The following GRIA1 variants were observed in gnomAD, a reference collection of about 807,000 sequenced individuals.
GRIA1 encodes the protein glutamate ionotropic receptor AMPA type subunit 1, also known as glutamate receptor 1.
GRIA1 carries 31 observed loss-of-function variants against 99.2 expected under a neutral mutation model. The observed-to-expected ratio is 0.31, with a 90% CI of 0.23 to 0.42. The LOEUF (loss-of-function observed/expected upper bound fraction) is 0.42. Among genes scored for constraint, GRIA1 ranks in the 10% least tolerant of loss-of-function variants. The pLI, the probability that GRIA1 is intolerant of heterozygous loss-of-function variation, is 1.00. For missense variants in GRIA1, 782 were observed against 1,157.5 expected, an observed-to-expected ratio of 0.68 and a Z score of 4.71; for synonymous variants, 438 against 432.4, an observed-to-expected ratio of 1.01 and a Z score of -0.16.
intron 2 of GRIA1, among the ~76,000 whole-genome samples, chr5:153,597,282 T>A (rs1401829609): frequency 6.6e-6 from 1 of 152,196 alleles, no homozygotes; most frequent in South Asian, 2.1e-4. Flanking sequence ...ATGAATTGGT[T>A]ATTGAGACTT....
At chr5:153,531,444 T>A in intron 2 of GRIA1, among the ~76,000 whole-genome samples, 1 of 152,234 alleles carries the variant, frequency 6.6e-6, no homozygotes, top group South Asian at 2.1e-4. Flanking sequence ...CAAGTCTGTG[T>A]CTTTTTCTTT....
chr5:153,495,855 G>T (rs1186630136), intron 2 of GRIA1, among the ~76,000 whole-genome samples: 2 of 152,168 alleles, frequency 1.3e-5, no homozygotes, highest in East Asian at 1.9e-4. Context: ...AGGGGCATTT[G>T]GTTGGGGGCA....
intron 2 of GRIA1, among the ~76,000 whole-genome samples, chr5:153,639,164 T>C (rs992834954): frequency 2.6e-5 from 4 of 152,194 alleles, no homozygotes; most frequent in Non-Finnish European, 5.9e-5. Context: ...TTGTCTCTCA[T>C]CCATGGACTG....
intron 2 of GRIA1, among the ~76,000 whole-genome samples, chr5:153,569,262 G>A (rs76089678): frequency 0.01 from 1,598 of 152,302 alleles, 26 homozygotes; most frequent in African/African-American, 0.037. Context: ...AGATTTACAA[G>A]CACTTCGTTT....
intron 5 of GRIA1, among the ~76,000 whole-genome samples, chr5:153,656,572 A>G (rs961034483): frequency 3.3e-5 from 5 of 151,448 alleles, no homozygotes; most frequent in Non-Finnish European, 7.4e-5. Context: ...TGTCAAGTCT[A>G]TTTTTTCTGG....
At chr5:153,526,110 C>T (rs1200443053) in intron 2 of GRIA1, among the ~76,000 whole-genome samples, 1 of 152,144 alleles carries the variant, frequency 6.6e-6, no homozygotes, top group South Asian at 2.1e-4. Flanking sequence ...TCATGGGCCT[C>T]TGTTTCTTTA....
At chr5:153,520,369 G>A (rs1757026269) in intron 2 of GRIA1, among the ~76,000 whole-genome samples, 1 of 152,204 alleles carries the variant, frequency 6.6e-6, no homozygotes, top group African/African-American at 2.4e-5. Flanking sequence ...GTGGAGCCTT[G>A]AAGGACAAAG....
At chr5:153,535,160 G>C (rs950780823) in intron 2 of GRIA1, among the ~76,000 whole-genome samples, 1 of 152,080 alleles carries the variant, frequency 6.6e-6, no homozygotes, top group Admixed American at 6.6e-5. Flanking sequence ...GACCTCAAGC[G>C]ATCTGCCCGT....
At chr5:153,545,909 A>C (rs965246648) in intron 2 of GRIA1, among the ~76,000 whole-genome samples, 9 of 152,212 alleles carry the variant, frequency 5.9e-5, no homozygotes, top group Admixed American at 2.0e-4. Flanking sequence ...TTAAGGCATG[A>C]TGGCCCTGCC....
chr5:153,812,359 A>G lies in GRIA1; in HGVS notation c.*1134A>G, dbSNP rs1055016875. 1 of 152,192 alleles carries G rather than the reference A, an allele frequency of 6.6e-6. No homozygotes were observed. Among genetic ancestry groups the G allele is most frequent in the African/African-American group, 2.4e-5 (1 of 41,442 alleles). The allele number at this position is 152,192 out of a possible 1,614,324, so 9.4% of individuals were successfully genotyped here. On this transcript the variant is annotated 3_prime_UTR_variant, in exon 16 of 16. Transcript: ENST00000285900. ...CTCATCAAAAGCTCACACAAAATAG[A>G]GCTTCCCATGGTGTGCCCTATCCTA... is the stretch of plus-strand genomic sequence containing the variant.
chr5:153,806,468 T>C (rs1474429877), intron 15 of GRIA1, among the ~76,000 whole-genome samples: 1 of 152,166 alleles, frequency 6.6e-6, no homozygotes, highest in African/African-American at 2.4e-5. Context: ...GGTTTCACCA[T>C]GTTAGCCAGG....
chr5:153,784,648 C>T (rs1041233185), intron 13 of GRIA1, among the ~76,000 whole-genome samples: 5 of 151,732 alleles, frequency 3.3e-5, no homozygotes, highest in African/African-American at 1.2e-4. Context: ...CTGATATAAC[C>T]CCACTAACTA....
At chr5:153,597,034 T>G (rs1487432392) in intron 2 of GRIA1, among the ~76,000 whole-genome samples, 2 of 152,126 alleles carry the variant, frequency 1.3e-5, no homozygotes, top group Non-Finnish European at 2.9e-5. Flanking sequence ...GTCTGCAGCC[T>G]CCTCTGCTAG....
chr5:153,529,939 A>T (rs1179657907), intron 2 of GRIA1, among the ~76,000 whole-genome samples: 1 of 152,082 alleles, frequency 6.6e-6, no homozygotes, highest in East Asian at 1.9e-4. Context: ...CTGTTCCCTC[A>T]TTTTCGAAGC....
rs540692192 is a variant in GRIA1 at position 153,712,503 on chromosome 5, T to TCCTCTTTCC, written c.1823+6448_1823+6456dup. 2.3e-3 allele frequency among the ~76,000 whole-genome samples: 357 copies of TCCTCTTTCC among 152,284 alleles called. 1 individual carries two copies. Among genetic ancestry groups the TCCTCTTTCC allele is most frequent in the Non-Finnish European group, 4.3e-3 (292 of 68,022 alleles). ...GGCACTGAGAGTCTATGAGAAACCT[T>TCCTCTTTCC]CCTCTTTCCCCTCTTTCCCCCTCCT... is the stretch of plus-strand genomic sequence containing the variant. On this transcript the variant is annotated intron_variant, in intron 11 of 15. Coordinates refer to ENST00000285900, the MANE Select transcript of GRIA1 (RefSeq NM_000827.4).
At chr5:153,529,811 ATGT>A (rs1757933105) in intron 2 of GRIA1, among the ~76,000 whole-genome samples, 1 of 152,100 alleles carries the variant, frequency 6.6e-6, no homozygotes, top group South Asian at 2.1e-4. Context: ...CTTGGAGGTG[ATGT>A]TTGTATGAAA....
At chr5:153,663,373 A>G (rs1755512551) in intron 5 of GRIA1, among the ~76,000 whole-genome samples, 1 of 152,214 alleles carries the variant, frequency 6.6e-6, no homozygotes, top group Non-Finnish European at 1.5e-5. Flanking sequence ...AACCTTTGCA[A>G]TTCTTAGGAC....
chr5:153,703,375 T>A (rs1758665206), intron 10 of GRIA1, among the ~76,000 whole-genome samples: 1 of 152,252 alleles, frequency 6.6e-6, no homozygotes. Context: ...GTTATTTTCA[T>A]GTTATTAACC....
intron 2 of GRIA1, among the ~76,000 whole-genome samples, chr5:153,556,175 A>G (rs1760623054): frequency 6.6e-6 from 1 of 152,210 alleles, no homozygotes. Context: ...CAATTTTTTC[A>G]GAGCTTTTAA....
Sources: gnomAD v4.1 joint callset for allele counts (sites outside exome capture counted in the v4.1 genomes callset) on GRCh38, gnomAD v4.1.1 for gene constraint, MANE v1.5 for transcripts, NCBI Gene and HGNC (gene_info 2026-07-23, HGNC 2026-07-21) for gene names.